Variants in TMEM237 observed in about 807,000 individuals in gnomAD.
TMEM237 encodes transmembrane protein 237, also known as amyotrophic lateral sclerosis 2 (juvenile) chromosome region, candidate 4.
A neutral mutation model predicts 59.1 loss-of-function variants in TMEM237; 51 were observed. The observed-to-expected ratio is 0.86, with a 90% CI of 0.69 to 1.09. The LOEUF (loss-of-function observed/expected upper bound fraction) is 1.09, where lower values mean the gene tolerates loss of function less well. Ranked by LOEUF, TMEM237 falls within the 50% of genes least tolerant of loss-of-function variation. TMEM237 has a pLI of 0.00. For missense variants in TMEM237, 475 were observed against 478.3 expected (o/e 0.99, Z 0.06); for synonymous variants, 140 against 166.1 (o/e 0.84, Z 1.21).
At chr2:201,629,146 T>C in intron 9 of TMEM237, 84 bp downstream of exon 9, 1 of 1,105,678 alleles carries the variant, frequency 9.0e-7, no homozygotes. Context: ...TAATTCTATT[T>C]TGAAAACTAT....
At chr2:201,639,155 C>T in intron 3 of TMEM237, 110 bp from the exon 4 acceptor site, 1 of 1,007,224 alleles carries the variant, frequency 9.9e-7, no homozygotes, top group East Asian at 2.6e-5. Flanking sequence ...CTTCCCTGGG[C>T]CTGGCAAACG....
intron 1 of TMEM237, chr2:201,642,777 T>C: frequency 7.0e-7 from 1 of 1,430,270 alleles, no homozygotes; most frequent in African/African-American, 1.5e-5. Flanking sequence ...GATGTTGCGG[T>C]GAGAGGCGTG....
At chr2:201,630,491 A>G (rs1197011623) in intron 7 of TMEM237, among the ~76,000 whole-genome samples, 1 of 152,208 alleles carries the variant, frequency 6.6e-6, no homozygotes, top group Non-Finnish European at 1.5e-5. Context: ...AGACCTCAGG[A>G]AACAGGAAAG....
Position 201,642,639 on chromosome 2 carries a change from C to T in TMEM237, c.42+720G>A, listed in dbSNP as rs575259401. ...GATTCTTCCCCATTCTGCGTTTAGC[C>T]GGCCTCGGCGGCCGCCGGCCCCCAA... On this transcript the variant is annotated intron_variant, in intron 1 of 12. Transcript: ENST00000409883. The T allele has an allele frequency of 5.8e-5, 93 of 1,608,082 alleles. No homozygotes were observed. The East Asian group carries it at 2.1e-3, about 36-fold the overall frequency.
intron 2 of TMEM237, 131 bp downstream of exon 2, chr2:201,640,762 G>T: frequency 1.4e-6 from 1 of 737,574 alleles, no homozygotes; most frequent in Non-Finnish European, 2.1e-6. Flanking sequence ...TAAAATTTCA[G>T]AAAATCCCTA....
rs1319792484 is a variant in TMEM237, at chr2:201,642,760, C to T, written c.42+599G>A. ...TGGCTAGTACCCCGCGCGCAGCGCC[C>T]TGCGGGGATGTTGCGGTGAGAGGCG... is the stretch of plus-strand genomic sequence containing the variant. On this transcript the variant is annotated intron_variant, in intron 1 of 12. Coordinates refer to ENST00000409883, the MANE Select transcript of TMEM237 (RefSeq NM_001044385.3). The T allele has an allele frequency of 9.0e-6, 13 of 1,447,340 alleles. No homozygotes were observed. In the South Asian group the frequency reaches 1.8e-4, roughly 20 times the overall value. The allele number at this position is 1,447,340 out of a possible 1,614,324, so 89.7% of individuals were successfully genotyped here. A position where few individuals can be genotyped will look rare whatever the true frequency, so the allele number is the denominator to read the frequency against.
chr2:201,640,241 T>A lies in TMEM237; in HGVS notation c.79+20A>T, dbSNP rs745908076. 2 of 1,549,326 alleles carry A rather than the reference T, an allele frequency of 1.3e-6. No individual in the cohort carries two copies. Among genetic ancestry groups the A allele is most frequent in the Non-Finnish European group, 1.7e-6 (2 of 1,157,718 alleles). On this transcript the variant is annotated intron_variant, in intron 3 of 12. Coordinates refer to ENST00000409883, the MANE Select transcript of TMEM237 (RefSeq NM_001044385.3). ...TAATTTTTGAACACCAAATATTATA[T>A]TTACATTAAACTAACTCACCTTGAC...
chr2:201,642,476 C>A, intron 1 of TMEM237: 2 of 1,010,634 alleles, frequency 2.0e-6, no homozygotes, highest in Middle Eastern at 4.3e-4. Context: ...GCTCTGTTCA[C>A]GTAACTGATT....
At chr2:201,640,804 A>T in intron 2 of TMEM237, 89 bp downstream of exon 2, 2 of 1,088,046 alleles carry the variant, frequency 1.8e-6, no homozygotes, top group Non-Finnish European at 2.6e-6. Flanking sequence ...GAATCATTGT[A>T]ATTTTGCAAT....
chr2:201,642,558 T>C, intron 1 of TMEM237: 1 of 1,592,018 alleles, frequency 6.3e-7, no homozygotes. Flanking sequence ...GTAGGACGGC[T>C]CAACTGAAGA....
Position 201,624,185 on chromosome 2 carries a change from T to C in TMEM237, c.*70A>G. On this transcript the variant is annotated 3_prime_UTR_variant, in exon 13 of 13. Coordinates refer to ENST00000409883, the MANE Select transcript of TMEM237 (RefSeq NM_001044385.3). Reference sequence around the variant, plus strand: ...ATTACAAATACACATGTATACATCTTATAAAAATACATTTAAAAACAAAAA... The same window carrying C: ...ATTACAAATACACATGTATACATCTCATAAAAATACATTTAAAAACAAAAA... 4.1e-6 allele frequency: 5 copies of C among 1,207,752 alleles called. No individual in the cohort carries two copies. Among genetic ancestry groups the C allele is most frequent in the East Asian group, 4.7e-5 (2 of 42,130 alleles). The allele number at this position is 1,207,752 out of a possible 1,614,324, so 74.8% of individuals were successfully genotyped here. A position where few individuals can be genotyped will look rare whatever the true frequency, so the allele number is the denominator to read the frequency against.
chr2:201,641,932 A>C (rs959212460), intron 1 of TMEM237, among the ~76,000 whole-genome samples: 2 of 152,182 alleles, frequency 1.3e-5, no homozygotes, highest in Non-Finnish European at 2.9e-5. Flanking sequence ...GGTAGGCAGG[A>C]GCCAGATTAG....
intron 1 of TMEM237, chr2:201,642,612 A>G: frequency 6.2e-7 from 1 of 1,609,296 alleles, no homozygotes; most frequent in Non-Finnish European, 8.5e-7. Context: ...CGCTTACCAC[A>G]GGATTCTTCC....
intron 6 of TMEM237, 114 bp downstream of exon 6, chr2:201,633,197 G>A (rs1424925660): frequency 9.5e-7 from 1 of 1,051,696 alleles, no homozygotes; most frequent in African/African-American, 1.7e-5. Flanking sequence ...TTATCCTAGA[G>A]GTACACAAAT....
Position 201,643,470 on chromosome 2 carries a change from G to A in TMEM237, c.-70C>T, listed in dbSNP as rs930591158. The A allele has an allele frequency of 7.4e-6, 10 of 1,344,400 alleles. No individual in the cohort carries two copies. The highest frequency in any genetic ancestry group is 1.7e-5 in the South Asian group (1 of 59,472). 83.3% of individuals were successfully genotyped at this position (1,344,400 alleles called of 1,614,324 possible). ...CGAGCCCAGCTCCCCGCGACGCAGC[G>A]GCCTCCGGGACCTGTGGGACGCCGG... On this transcript the variant is annotated 5_prime_UTR_variant, in exon 1 of 13. Coordinates refer to ENST00000409883, the MANE Select transcript of TMEM237 (RefSeq NM_001044385.3). This position sits in a 1 kb window ranked among gnomAD's most constrained non-coding sequence, Gnocchi z 4.3.
At chr2:201,641,049 C>A in intron 1 of TMEM237, 125 bp from the exon 2 acceptor site, 1 of 732,070 alleles carries the variant, frequency 1.4e-6, no homozygotes, top group Admixed American at 2.9e-5. Context: ...TGGAGTGCAA[C>A]GGCACGATCT....
chr2:201,629,446 T>C, intron 8 of TMEM237, 25 bp from the exon 9 acceptor site: 1 of 1,493,436 alleles, frequency 6.7e-7, no homozygotes, highest in East Asian at 2.4e-5. Flanking sequence ...GTTTGATTAT[T>C]ATACATGAAT....
intron 9 of TMEM237, among the ~76,000 whole-genome samples, chr2:201,628,670 G>A (rs996966048): frequency 6.6e-6 from 1 of 152,166 alleles, no homozygotes; most frequent in Non-Finnish European, 1.5e-5. Flanking sequence ...TACACAGGGG[G>A]AAAGTGCTGC....
At position 201,626,083 on chromosome 2, in the gene TMEM237, G is replaced by C. The variant is rs776066221; in HGVS notation, c.1102C>G (p.Leu368Val). ...AAAAATAGCCAAGATAATCCAACCA[G>C]AAGAGCCACCACGAGATTCACCACA... is the stretch of plus-strand genomic sequence containing the variant. ...WIVVNLVVAL[L>V]VGLSWLFLSY... is the part of the protein sequence containing the mutation. Residue 368 changes from leucine to valine, a missense_variant, in exon 12 of 13, where the codon CTG becomes GTG. Leu to Val is a conservative substitution (Grantham distance 32, BLOSUM62 1). Transcript: ENST00000409883. 3 of 1,608,268 alleles carry C rather than the reference G, an allele frequency of 1.9e-6. No individual in the cohort carries two copies. Among genetic ancestry groups the C allele is most frequent in the Non-Finnish European group, 1.7e-6 (2 of 1,177,132 alleles).
Sources: allele counts gnomAD v4.1 joint callset (sites outside exome capture counted in the v4.1 genomes callset), GRCh38; gene constraint gnomAD v4.1.1; non-coding constraint Gnocchi (gnomAD v3.1); transcripts MANE v1.5; gene names NCBI Gene and HGNC (gene_info 2026-07-23, HGNC 2026-07-21).